The following PTPRM variants were observed in gnomAD, a reference collection of about 807,000 sequenced individuals.
PTPRM encodes receptor-type tyrosine-protein phosphatase mu.
In PTPRM, 47 loss-of-function variants were observed where a neutral mutation model predicts 186.7. The observed-to-expected ratio is 0.25, with a 90% CI of 0.20 to 0.32. The LOEUF (loss-of-function observed/expected upper bound fraction) is 0.32. Among genes scored for constraint, PTPRM ranks in the 10% least tolerant of loss-of-function variants. PTPRM has a pLI of 1.00. For missense variants in PTPRM, 1,494 were observed against 1,865.0 expected, an observed-to-expected ratio of 0.80 and a Z score of 3.66; for synonymous variants, 668 against 674.9, an observed-to-expected ratio of 0.99 and a Z score of 0.16.
chr18:8,211,377 CT>C (rs970926126), intron 14 of PTPRM, among the ~76,000 whole-genome samples: 14,843 of 87,366 alleles, frequency 0.17, 411 homozygotes, highest in Non-Finnish European at 0.2. Flanking sequence ...GTCTCTTCTT[CT>C]TTTTTTTTTT....
chr18:8,120,923 G>A (rs147135156), intron 13 of PTPRM, among the ~76,000 whole-genome samples: 9 of 152,304 alleles, frequency 5.9e-5, no homozygotes, highest in Non-Finnish European at 1.2e-4. Context: ...AAACAAAAAT[G>A]TTATGTGTAT....
intron 14 of PTPRM, among the ~76,000 whole-genome samples, chr18:8,208,750 A>T (rs1408303959): frequency 1.3e-5 from 2 of 152,196 alleles, no homozygotes; most frequent in Non-Finnish European, 2.9e-5. Flanking sequence ...GGCCACAGGC[A>T]ATCCTCCCAC....
intron 2 of PTPRM, among the ~76,000 whole-genome samples, chr18:7,805,281 C>T (rs557713768): frequency 2.6e-5 from 4 of 152,318 alleles, no homozygotes; most frequent in African/African-American, 9.6e-5. Context: ...TCTCTGATGT[C>T]TCTGCTGTGC....
intron 11 of PTPRM, among the ~76,000 whole-genome samples, chr18:8,092,241 C>T (rs1278257764): frequency 6.6e-6 from 1 of 152,102 alleles, no homozygotes; most frequent in African/African-American, 2.4e-5. Flanking sequence ...TTGATCAACA[C>T]ATCAGCTCTG....
At chr18:7,600,043 T>C (rs1232224004) in intron 1 of PTPRM, among the ~76,000 whole-genome samples, 1 of 152,196 alleles carries the variant, frequency 6.6e-6, no homozygotes, top group Non-Finnish European at 1.5e-5. Flanking sequence ...TCATAATGCT[T>C]GACCCTGCTT....
chr18:8,355,278 G>C (rs529921895), intron 23 of PTPRM, among the ~76,000 whole-genome samples: 1 of 152,282 alleles, frequency 6.6e-6, no homozygotes, highest in Non-Finnish European at 1.5e-5. Flanking sequence ...GGAGGTTGAA[G>C]GGATTTGTCA....
chr18:8,174,010 G>A (rs2093445043), intron 14 of PTPRM, among the ~76,000 whole-genome samples: 2 of 151,300 alleles, frequency 1.3e-5, no homozygotes, highest in Admixed American at 6.6e-5. Flanking sequence ...AGGTTGCAGT[G>A]AGCTGAGATC....
intron 22 of PTPRM, among the ~76,000 whole-genome samples, chr18:8,320,943 C>CA (rs979770677): frequency 2.6e-5 from 4 of 152,266 alleles, no homozygotes. Flanking sequence ...CTTCAGGAAG[C>CA]AAGGCTCAGC....
Position 7,892,344 on chromosome 18 carries a change from G to A in PTPRM, c.468+3967G>A, listed in dbSNP as rs7506944. Among the ~76,000 whole-genome samples, 327 of 152,288 alleles carry A rather than the reference G, an allele frequency of 2.1e-3. 10 individuals carry two copies. The highest frequency in any genetic ancestry group is 0.018 in the Admixed American group (274 of 15,292). Reference sequence around the variant, plus strand: ...CAGTCAGCTGCATTAAAGGAATGATGCGGTTTATGAACAGTCTTGGAAGAC... The same window carrying A: ...CAGTCAGCTGCATTAAAGGAATGATACGGTTTATGAACAGTCTTGGAAGAC... On this transcript the variant is annotated intron_variant, in intron 3 of 32. Coordinates refer to ENST00000580170, the MANE Select transcript of PTPRM (RefSeq NM_001105244.2).
At chr18:8,378,712 C>A (rs1598506788) in intron 27 of PTPRM, among the ~76,000 whole-genome samples, 2 of 152,302 alleles carry the variant, frequency 1.3e-5, no homozygotes. Flanking sequence ...ATGGACTAGT[C>A]CCCAACACCA....
At chr18:8,154,837 T>C (rs2093086787) in intron 14 of PTPRM, 1 of 152,244 alleles carries the variant, frequency 6.6e-6, no homozygotes, top group Non-Finnish European at 1.5e-5. Flanking sequence ...TGTTCATGTA[T>C]ATTAATTCAT....
At chr18:8,318,860 T>C (rs647829) in intron 21 of PTPRM, among the ~76,000 whole-genome samples, 147,477 of 152,346 alleles carry the variant, frequency 0.97, 71,559 homozygotes, top group East Asian at 1. Flanking sequence ...AAATTCTCAG[T>C]TTGTTTGCAC....
At chr18:7,828,542 G>A (rs993949542) in intron 2 of PTPRM, among the ~76,000 whole-genome samples, 5 of 152,102 alleles carry the variant, frequency 3.3e-5, no homozygotes, top group African/African-American at 1.2e-4. Flanking sequence ...TGGATGCCAC[G>A]TTGCCGTATG....
rs1030954046 is a variant in PTPRM at position 7,658,908 on chromosome 18, T to C, written c.73+91017T>C. 2.0e-4 allele frequency among the ~76,000 whole-genome samples: 30 copies of C among 152,156 alleles called. 1 individual carries two copies. The highest frequency in any genetic ancestry group is 1.6e-3 in the Admixed American group (24 of 15,274). Reference sequence around the variant, plus strand: ...TCTTGTTATCTTTGCTTTAGTCACATTGATGAGATTTCCAACCTTTTAGCT... The same window carrying C: ...TCTTGTTATCTTTGCTTTAGTCACACTGATGAGATTTCCAACCTTTTAGCT... On this transcript the variant is annotated intron_variant, in intron 1 of 32. Transcript: ENST00000580170.
Position 8,378,351 on chromosome 18 carries a change from G to A in PTPRM, c.3549G>A (p.Leu1183=), listed in dbSNP as rs769082220. ...TGCCTGCTTCCCAAGTTAGGTCTCT[G>A]TATTATGACATGAACAAACTGGATC... ...TSVPASQVRS[L]YYDMNKLDPQ... is the part of the protein sequence containing the mutation. Residue 1183 remains leucine (L), a synonymous_variant, in exon 27 of 33, where the codon CTG becomes CTA. Coordinates refer to ENST00000580170, the MANE Select transcript of PTPRM (RefSeq NM_001105244.2). 1.2e-6 allele frequency: 2 copies of A among 1,613,882 alleles called. No homozygotes were observed. Among genetic ancestry groups the A allele is most frequent in the Non-Finnish European group, 1.7e-6 (2 of 1,179,892 alleles).
chr18:7,620,437 C>A (rs755485910), intron 1 of PTPRM, among the ~76,000 whole-genome samples: 17 of 152,178 alleles, frequency 1.1e-4, no homozygotes, highest in Admixed American at 1.1e-3. Flanking sequence ...CTCTTCTCTG[C>A]CACAGATGAG....
At chr18:7,883,827 AG>A (rs1251288424) in intron 2 of PTPRM, among the ~76,000 whole-genome samples, 3 of 152,182 alleles carry the variant, frequency 2.0e-5, no homozygotes, top group Non-Finnish European at 4.4e-5. Context: ...TGAGGTGAAC[AG>A]GGGGAAATAG....
chr18:8,076,327 G>T lies in PTPRM; in HGVS notation c.1442-128G>T, dbSNP rs79345185. 2.9e-3 allele frequency: 1,786 copies of T among 608,316 alleles called. 26 individuals carry two copies. In the African/African-American group the frequency reaches 0.03, roughly 10 times the overall value. 37.7% of individuals were successfully genotyped at this position (608,316 alleles called of 1,614,324 possible). A position where few individuals can be genotyped will look rare whatever the true frequency, so the allele number is the denominator to read the frequency against. ...TTGTTTAAGATTCCAGATTTTTAAA[G>T]AAAAATTGAGTATATGTGTGGACTA... is the stretch of plus-strand genomic sequence containing the variant. On this transcript the variant is annotated intron_variant, in intron 8 of 32. Transcript: ENST00000580170.
rs544401359 is a variant in PTPRM, at chr18:7,926,740, C to A, written c.663+57C>A. On this transcript the variant is annotated intron_variant, in intron 5 of 32. Transcript: ENST00000580170. ...AGTCCAGCGGGAAGAATACACTCCC[C>A]CTGGAGGAGGAACCCAGAGAAACAG... is the stretch of plus-strand genomic sequence containing the variant. The A allele has an allele frequency of 6.5e-5, 84 of 1,301,106 alleles. 1 individual carries two copies. In the South Asian group the frequency reaches 1.1e-3, roughly 18 times the overall value. 80.6% of individuals were successfully genotyped at this position (1,301,106 alleles called of 1,614,324 possible). A position where few individuals can be genotyped will look rare whatever the true frequency, so the allele number is the denominator to read the frequency against.
Sources: gnomAD v4.1 joint callset for allele counts (sites outside exome capture counted in the v4.1 genomes callset) on GRCh38, gnomAD v4.1.1 for gene constraint, MANE v1.5 for transcripts, NCBI Gene and HGNC (gene_info 2026-07-23, HGNC 2026-07-21) for gene names.